The following LHX8 variants were observed in gnomAD, a reference collection of about 807,000 sequenced individuals.
LHX8 encodes LIM homeobox 8.
In LHX8, 12 loss-of-function variants were observed where a neutral mutation model predicts 40.3. The observed-to-expected ratio is 0.30, with a 90% CI of 0.19 to 0.48. The LOEUF is 0.48. Among genes scored for constraint, LHX8 ranks in the 20% least tolerant of loss-of-function variants. The pLI is 0.99. For missense variants in LHX8, 344 were observed against 433.7 expected (o/e 0.79, Z 1.84); for synonymous variants, 179 against 162.0 (o/e 1.10, Z -0.80).
the LHX8 span, among the ~76,000 whole-genome samples, chr1:75,168,561 C>T: frequency 5.8e-3 from 880 of 152,252 alleles, 10 homozygotes; most frequent in African/African-American, 0.02. Context: ...GGATAATCTG[C>T]TGTCAACCCC....
chr1:75,198,361 C>T, the LHX8 span, among the ~76,000 whole-genome samples: 5,684 of 152,254 alleles, frequency 0.037, 151 homozygotes, highest in Non-Finnish European at 0.06. Context: ...AGTCCAGGTG[C>T]TGAAAGTCCT....
At chr1:75,189,687 T>C in the LHX8 span, among the ~76,000 whole-genome samples, 29 of 152,270 alleles carry the variant, frequency 1.9e-4, no homozygotes, top group African/African-American at 5.5e-4. Flanking sequence ...AGTGATGTCA[T>C]AAAAACAATA....
downstream of LHX8, among the ~76,000 whole-genome samples, chr1:75,163,972 G>T (rs1370573327): frequency 1.3e-5 from 2 of 152,186 alleles, no homozygotes; most frequent in African/African-American, 4.8e-5. Flanking sequence ...GACAGAATCT[G>T]CTGGTGCCTT....
At chr1:75,197,416 G>A in the LHX8 span, among the ~76,000 whole-genome samples, 1 of 152,062 alleles carries the variant, frequency 6.6e-6, no homozygotes, top group African/African-American at 2.4e-5. Context: ...GATTCGATTT[G>A]ATTAAAATCA....
intron 6 of LHX8, among the ~76,000 whole-genome samples, chr1:75,146,561 C>T (rs1391654988): frequency 6.6e-6 from 1 of 152,112 alleles, no homozygotes; most frequent in Non-Finnish European, 1.5e-5. Context: ...TGGTAGATCT[C>T]CTGGCCTAAA....
At chr1:75,156,225 G>A (rs1648760429) in intron 7 of LHX8, among the ~76,000 whole-genome samples, 1 of 124,384 alleles carries the variant, frequency 8.0e-6, no homozygotes, top group South Asian at 2.5e-4. Context: ...TGTTGTTGTT[G>A]TTGTTGTTGT....
the LHX8 span, among the ~76,000 whole-genome samples, chr1:75,170,613 T>C: frequency 1.3e-5 from 2 of 152,208 alleles, no homozygotes; most frequent in Non-Finnish European, 2.9e-5. Context: ...AATCAGGCTG[T>C]AATTCAGTGG....
chr1:75,192,949 C>T, the LHX8 span, among the ~76,000 whole-genome samples: 29 of 152,182 alleles, frequency 1.9e-4, no homozygotes, highest in Non-Finnish European at 3.7e-4. Context: ...CTGCCTTGAC[C>T]TTCCAAAATG....
chr1:75,174,462 G>T, the LHX8 span, among the ~76,000 whole-genome samples: 1 of 152,010 alleles, frequency 6.6e-6, no homozygotes, highest in Admixed American at 6.5e-5. Context: ...TTTATGCTGG[G>T]GTCCATAGCT....
At chr1:75,160,449 T>C (rs1648887279) in intron 8 of LHX8, 2 of 260,434 alleles carry the variant, frequency 7.7e-6, no homozygotes, top group Non-Finnish European at 1.5e-5. Context: ...AATTAAACAT[T>C]AATGAAAGAA....
the LHX8 span, among the ~76,000 whole-genome samples, chr1:75,195,750 C>T: frequency 6.6e-6 from 1 of 151,786 alleles, no homozygotes; most frequent in Non-Finnish European, 1.5e-5. Flanking sequence ...TCTCTCTCTC[C>T]CCTCTCTCCC....
chr1:75,165,645 C>T (rs531391257), downstream of LHX8, among the ~76,000 whole-genome samples: 1 of 152,212 alleles, frequency 6.6e-6, no homozygotes, highest in African/African-American at 2.4e-5. Context: ...GAAACAACAT[C>T]TGTCTTGCTC....
At chr1:75,190,403 G>C in the LHX8 span, among the ~76,000 whole-genome samples, 1 of 151,804 alleles carries the variant, frequency 6.6e-6, no homozygotes, top group Admixed American at 6.6e-5. Context: ...CATTCCACTT[G>C]GCTACATGTT....
At chr1:75,190,649 G>A in the LHX8 span, among the ~76,000 whole-genome samples, 2 of 152,056 alleles carry the variant, frequency 1.3e-5, no homozygotes, top group Non-Finnish European at 2.9e-5. Context: ...CCAGACCAAA[G>A]GAGAAAAAGA....
the LHX8 span, among the ~76,000 whole-genome samples, chr1:75,169,052 A>G: frequency 6.6e-6 from 1 of 152,102 alleles, no homozygotes; most frequent in Non-Finnish European, 1.5e-5. Flanking sequence ...GCTTTCCTTC[A>G]TATTAAGAAG....
rs1196170199 is a variant in LHX8 at position 75,148,632 on chromosome 1, A to G, written c.730A>G (p.Thr244Ala). ...FAQDNNPDAQTLQKLAERTGL... is the reference protein window; with the variant it reads ...FAQDNNPDAQALQKLAERTGL... ...TCAGGACAACAACCCAGATGCACAG[A>G]CACTCCAGAAATTGGCAGAAAGGAC... Residue 244 changes from threonine (T) to alanine (A), a missense_variant, in exon 7 of 9, where the codon ACA (threonine) becomes GCA (alanine). Transcript: ENST00000356261. The G allele has an allele frequency of 6.2e-7, 1 of 1,614,034 alleles. No individual in the cohort carries two copies. Among genetic ancestry groups the G allele is most frequent in the Non-Finnish European group, 8.5e-7 (1 of 1,179,960 alleles).
chr1:75,146,887 A>G (rs1474471606), intron 6 of LHX8, among the ~76,000 whole-genome samples: 1 of 152,216 alleles, frequency 6.6e-6, no homozygotes, highest in East Asian at 1.9e-4. Flanking sequence ...TTAAAAATGC[A>G]TTTATGAAAG....
the LHX8 span, among the ~76,000 whole-genome samples, chr1:75,187,426 A>T: frequency 6.6e-6 from 1 of 152,184 alleles, no homozygotes; most frequent in Non-Finnish European, 1.5e-5. Flanking sequence ...ATCTTGGCTG[A>T]GAAATTATTA....
In LHX8 at chr1:75,156,956, A is replaced by T. The variant is rs892289229; in HGVS notation, c.844A>T (p.Thr282Ser). 7 of 1,613,722 alleles carry T rather than the reference A, an allele frequency of 4.3e-6. No individual in the cohort carries two copies. The African/African-American group carries it at 8.0e-5, about 18-fold the overall frequency. ...KHVSPNHSSS[T>S]PVTAVPPSRL... The stretch of plus-strand genomic sequence containing the variant: ...CGTCAGTCCTAATCACTCATCCTCC[A>T]CCCCAGTCACAGCAGTCCCACCCTC... Residue 282 changes from threonine (T) to serine (S), a missense_variant, in exon 8 of 9, where the codon ACC (threonine) becomes TCC (serine). Transcript: ENST00000356261.
Sources: allele counts gnomAD v4.1 joint callset (sites outside exome capture counted in the v4.1 genomes callset), GRCh38; gene constraint gnomAD v4.1.1; transcripts MANE v1.5; gene names NCBI Gene and HGNC (gene_info 2026-07-23, HGNC 2026-07-21).